CRPPA: variants seen among roughly 807,000 people sequenced by gnomAD.
CRPPA encodes CDP-L-ribitol pyrophosphorylase A.
A neutral mutation model predicts 52.0 loss-of-function variants in CRPPA; 43 were observed. The ratio of observed to expected loss-of-function variants is 0.83; its 90% CI spans 0.65 to 1.07. CRPPA has a LOEUF of 1.07. CRPPA is among the 50% of genes least tolerant of loss of function. The pLI is 0.00. For synonymous variants in CRPPA, 250 were observed against 203.5 expected, an observed-to-expected ratio of 1.23 and a Z score of -1.94; for missense variants, 629 against 551.7, an observed-to-expected ratio of 1.14 and a Z score of -1.40.
intron 8 of CRPPA, among the ~76,000 whole-genome samples, chr7:16,242,628 A>G (rs900538040): frequency 1.3e-5 from 2 of 152,220 alleles, no homozygotes; most frequent in African/African-American, 4.8e-5. Flanking sequence ...GAAAAATCAC[A>G]TATGAAAAAA....
intron 1 of CRPPA, among the ~76,000 whole-genome samples, chr7:16,413,360 A>G (rs1788116075): frequency 6.6e-6 from 1 of 152,166 alleles, no homozygotes; most frequent in Non-Finnish European, 1.5e-5. Flanking sequence ...ACTGACCTCT[A>G]ATCATCTGAC....
intron 8 of CRPPA, among the ~76,000 whole-genome samples, chr7:16,254,333 C>G (rs1359644530): frequency 6.6e-6 from 1 of 152,110 alleles, no homozygotes; most frequent in African/African-American, 2.4e-5. Context: ...GACCTGGAAC[C>G]AACCCAAATG....
chr7:16,238,027 G>A (rs1460245438), intron 8 of CRPPA, among the ~76,000 whole-genome samples: 1 of 152,120 alleles, frequency 6.6e-6, no homozygotes, highest in Non-Finnish European at 1.5e-5. Context: ...GTAGATAGAA[G>A]GGAAAGGGAC....
At chr7:16,154,410 G>C (rs1190636162) in intron 9 of CRPPA, among the ~76,000 whole-genome samples, 1 of 151,902 alleles carries the variant, frequency 6.6e-6, no homozygotes, top group Non-Finnish European at 1.5e-5. Context: ...TGTTCTCATT[G>C]TTCAACTCCC....
At chr7:16,289,375 T>C (rs1223871475) in intron 5 of CRPPA, among the ~76,000 whole-genome samples, 1 of 152,038 alleles carries the variant, frequency 6.6e-6, no homozygotes, top group East Asian at 1.9e-4. Flanking sequence ...ATCACCCTGA[T>C]ACCAAAACCA....
rs192354832 is a variant in CRPPA at position 16,152,279 on chromosome 7, C to T, written c.1252-60480G>A. On this transcript the variant is annotated intron_variant, in intron 9 of 9. Coordinates refer to ENST00000407010, the MANE Select transcript of CRPPA (RefSeq NM_001101426.4). The stretch of plus-strand genomic sequence containing the variant: ...ATATGTGAGATGTTAATTTGATGTA[C>T]ATTAAATGTGTACAGAGTATTATAA... Among the ~76,000 whole-genome samples, 1,401 of 150,380 alleles carry T rather than the reference C, an allele frequency of 9.3e-3. 13 individuals carry two copies. Among genetic ancestry groups the T allele is most frequent in the Non-Finnish European group, 0.012 (801 of 67,524 alleles).
chr7:16,359,062 A>G (rs1786377129), intron 3 of CRPPA, among the ~76,000 whole-genome samples: 1 of 152,236 alleles, frequency 6.6e-6, no homozygotes, highest in South Asian at 2.1e-4. Context: ...AATTTCTACA[A>G]AAGTAGTTAA....
chr7:16,142,760 T>C (rs1782898085), intron 9 of CRPPA, among the ~76,000 whole-genome samples: 1 of 152,226 alleles, frequency 6.6e-6, no homozygotes, highest in Admixed American at 6.5e-5. Flanking sequence ...TAAATTCTAA[T>C]GAGGTATTAA....
chr7:16,265,455 T>C (rs1783928819), intron 6 of CRPPA, among the ~76,000 whole-genome samples: 1 of 152,074 alleles, frequency 6.6e-6, no homozygotes, highest in African/African-American at 2.4e-5. Context: ...GGAAGATCCA[T>C]TTGCAGTGCT....
chr7:16,256,214 T>C (rs570694228), intron 8 of CRPPA, among the ~76,000 whole-genome samples: 2 of 151,880 alleles, frequency 1.3e-5, no homozygotes, highest in African/African-American at 4.8e-5. Flanking sequence ...TGGAAATGCA[T>C]ATCAAAACCA....
intron 6 of CRPPA, among the ~76,000 whole-genome samples, chr7:16,274,032 CTGTTTTTGTTTT>C (rs773921154): frequency 2.0e-5 from 3 of 152,104 alleles, no homozygotes; most frequent in Non-Finnish European, 4.4e-5. Context: ...AGTGTTGTGG[CTGTTTTTGTTTT>C]TGTTTTTGTT....
At chr7:16,335,334 C>T (rs1281717228) in intron 3 of CRPPA, among the ~76,000 whole-genome samples, 3 of 152,060 alleles carry the variant, frequency 2.0e-5, no homozygotes, top group African/African-American at 7.2e-5. Context: ...GCCTGAGTGA[C>T]ACAGTGAGAC....
chr7:16,106,127 C>T (rs1233824020), intron 9 of CRPPA, among the ~76,000 whole-genome samples: 3 of 152,106 alleles, frequency 2.0e-5, no homozygotes, highest in African/African-American at 7.2e-5. Context: ...TTCCACCCAG[C>T]CTAAAAGCCC....
chr7:16,204,481 G>A (rs888798161), intron 9 of CRPPA, among the ~76,000 whole-genome samples: 3 of 152,044 alleles, frequency 2.0e-5, no homozygotes, highest in African/African-American at 7.2e-5. Context: ...CAGGGAAGTG[G>A]GGTAAGGGGG....
intron 2 of CRPPA, among the ~76,000 whole-genome samples, chr7:16,399,087 A>C (rs1392512969): frequency 1.3e-5 from 2 of 152,222 alleles, no homozygotes; most frequent in African/African-American, 4.8e-5. Context: ...CGTGACTGAC[A>C]CATGATAGAC....
In CRPPA at chr7:16,339,018, C is replaced by T. The variant is rs567707681; in HGVS notation, c.685-30391G>A. On this transcript the variant is annotated intron_variant, in intron 3 of 9. Coordinates refer to ENST00000407010, the MANE Select transcript of CRPPA (RefSeq NM_001101426.4). ...ATTTTTAGTAGAGATGGGGCTTCAC[C>T]GTGGTCTCGATCTCCTGACCTCGTG... is the stretch of plus-strand genomic sequence containing the variant. Among the ~76,000 whole-genome samples the T allele has an allele frequency of 5.3e-5, 8 of 151,852 alleles. No individual in the cohort carries two copies. In the East Asian group the frequency reaches 5.9e-4, roughly 11 times the overall value.
At chr7:16,398,644 A>G (rs966275715) in intron 2 of CRPPA, among the ~76,000 whole-genome samples, 2 of 152,170 alleles carry the variant, frequency 1.3e-5, no homozygotes, top group Non-Finnish European at 2.9e-5. Flanking sequence ...CGTGACAAAC[A>G]TCACTGAAAC....
intron 5 of CRPPA, among the ~76,000 whole-genome samples, chr7:16,281,531 T>G (rs773566999): frequency 1.3e-5 from 2 of 152,176 alleles, no homozygotes; most frequent in African/African-American, 4.8e-5. Flanking sequence ...ATTGGCTCTA[T>G]GCTCATGGAA....
rs1784909484 is a variant in CRPPA at position 16,306,260 on chromosome 7, G to A, written c.789+2263C>T. On this transcript the variant is annotated intron_variant, in intron 4 of 9. Coordinates refer to ENST00000407010, the MANE Select transcript of CRPPA (RefSeq NM_001101426.4). ...ATTAGGACTTGAACATACTTTTTTA[G>A]AGGACAGTTGAACCCACAACAATGT... 1.3e-5 allele frequency among the ~76,000 whole-genome samples: 2 copies of A among 152,182 alleles called. 1 individual carries two copies. The highest frequency in any genetic ancestry group is 1.3e-4 in the Admixed American group (2 of 15,278).
Sources: allele counts gnomAD v4.1 joint callset (sites outside exome capture counted in the v4.1 genomes callset), GRCh38; gene constraint gnomAD v4.1.1; transcripts MANE v1.5; gene names NCBI Gene and HGNC (gene_info 2026-07-23, HGNC 2026-07-21).